Variants in HTR4 observed in about 807,000 individuals in gnomAD.
The protein encoded by HTR4 is 5-hydroxytryptamine receptor 4, also known as 5-hydroxytryptamine (serotonin) receptor 4, G protein-coupled.
Under a neutral mutation model 36.8 loss-of-function variants are expected in HTR4, and 16 were observed. The ratio of observed to expected loss-of-function variants is 0.43; its 90% CI spans 0.29 to 0.66. The LOEUF (loss-of-function observed/expected upper bound fraction) is 0.66. Ranked by LOEUF, HTR4 falls within the 30% of genes least tolerant of loss-of-function variation. The pLI is 0.13. For missense variants in HTR4, 438 were observed against 490.9 expected, an observed-to-expected ratio of 0.89 and a Z score of 1.02; for synonymous variants, 189 against 185.1, an observed-to-expected ratio of 1.02 and a Z score of -0.17.
intron 2 of HTR4, among the ~76,000 whole-genome samples, chr5:148,558,848 T>G (rs1291305332): frequency 2.0e-5 from 3 of 152,338 alleles, no homozygotes; most frequent in Admixed American, 1.3e-4. Context: ...CTTCATCCAG[T>G]GCAATTTTTG....
intron 5 of HTR4, among the ~76,000 whole-genome samples, chr5:148,451,951 T>C (rs1581325462): frequency 6.6e-6 from 1 of 152,214 alleles, no homozygotes; most frequent in East Asian, 1.9e-4. Flanking sequence ...CTGGCAGCCA[T>C]TCCTATGAAA....
chr5:148,542,801 T>C (rs967740828), intron 4 of HTR4, among the ~76,000 whole-genome samples: 1 of 152,154 alleles, frequency 6.6e-6, no homozygotes. Flanking sequence ...GACTTGGGGA[T>C]GATATACCTC....
intron 6 of HTR4, among the ~76,000 whole-genome samples, chr5:148,506,763 A>C (rs879450632): frequency 1.3e-5 from 2 of 152,262 alleles, no homozygotes; most frequent in African/African-American, 4.8e-5. Context: ...GCAAACAGGC[A>C]CATGAAAAAA....
At chr5:148,604,020 C>G (rs1330068428) in intron 2 of HTR4, among the ~76,000 whole-genome samples, 1 of 152,024 alleles carries the variant, frequency 6.6e-6, no homozygotes, top group African/African-American at 2.4e-5. Flanking sequence ...CATGTAAAAA[C>G]TCAAATTCAA....
intron 6 of HTR4, among the ~76,000 whole-genome samples, chr5:148,494,830 T>C (rs984515928): frequency 2.0e-5 from 3 of 152,254 alleles, no homozygotes; most frequent in Non-Finnish European, 2.9e-5. Flanking sequence ...ACTGAGTTTT[T>C]AGTTGTGTTT....
Position 148,509,838 on chromosome 5 carries a change from C to G in HTR4, c.694G>C (p.Ala232Pro). 1 of 1,613,970 alleles carries G rather than the reference C, an allele frequency of 6.2e-7. No individual in the cohort carries two copies. Among genetic ancestry groups the G allele is most frequent in the Admixed American group, 1.7e-5 (1 of 59,986 alleles). Residue 232 changes from alanine (A) to proline (P), a missense_variant, in exon 6 of 7, where the codon GCA (alanine) becomes CCA (proline). Transcript: ENST00000377888. ...HAHQIQMLQR[A>P]GASSESRPQS... The stretch of plus-strand genomic sequence containing the variant: ...GGCCTGCTCTCGGAGGAGGCTCCTG[C>G]CCGTTGTAACATCTGGATCTGATGG...
intron 5 of HTR4, among the ~76,000 whole-genome samples, chr5:148,517,598 G>A (rs1368388): frequency 0.49 from 73,789 of 151,026 alleles, 18,680 homozygotes; most frequent in African/African-American, 0.64. Flanking sequence ...GTCATGTTTG[G>A]CTTAGGTTTT....
intron 5 of HTR4, among the ~76,000 whole-genome samples, chr5:148,458,043 TA>T (rs938189106): frequency 2.6e-4 from 35 of 133,996 alleles, no homozygotes; most frequent in African/African-American, 8.2e-4. Flanking sequence ...TAATATATAT[TA>T]AAATATATTA....
intron 2 of HTR4, among the ~76,000 whole-genome samples, chr5:148,626,055 T>C (rs1753091707): frequency 6.6e-6 from 1 of 152,192 alleles, no homozygotes; most frequent in African/African-American, 2.4e-5. Context: ...TCTGAGTCTC[T>C]CAGTCATAGA....
At chr5:148,498,688 T>C (rs913710833) in intron 6 of HTR4, among the ~76,000 whole-genome samples, 9 of 152,222 alleles carry the variant, frequency 5.9e-5, no homozygotes, top group Middle Eastern at 3.4e-3. Context: ...AGAGAACAAA[T>C]GCCCAAGTTG....
intron 2 of HTR4, among the ~76,000 whole-genome samples, chr5:148,561,605 C>T (rs900519742): frequency 2.6e-5 from 4 of 151,668 alleles, no homozygotes; most frequent in African/African-American, 9.7e-5. Flanking sequence ...AGTCTAGCGT[C>T]TCTGGTTTGT....
chr5:148,593,762 T>C (rs1242398850), intron 2 of HTR4, among the ~76,000 whole-genome samples: 1 of 152,188 alleles, frequency 6.6e-6, no homozygotes, highest in Non-Finnish European at 1.5e-5. Context: ...AACCTTGAAT[T>C]CTAAGATGAA....
intron 2 of HTR4, among the ~76,000 whole-genome samples, chr5:148,620,824 C>CT (rs983607240): frequency 7.2e-5 from 11 of 152,162 alleles, no homozygotes; most frequent in African/African-American, 2.7e-4. Flanking sequence ...GAAGCCTTGA[C>CT]TTAGCCCTCA....
chr5:148,620,765 A>G (rs188621670), intron 2 of HTR4, among the ~76,000 whole-genome samples: 273 of 152,270 alleles, frequency 1.8e-3, no homozygotes, highest in African/African-American at 6.3e-3. Flanking sequence ...CCTGCTCTGT[A>G]AAGTCCCTTT....
intron 5 of HTR4, among the ~76,000 whole-genome samples, chr5:148,512,002 C>T (rs1391785387): frequency 1.3e-5 from 2 of 152,162 alleles, no homozygotes; most frequent in Non-Finnish European, 2.9e-5. Context: ...AATTATAGTA[C>T]ATTGACATCA....
chr5:148,562,431 C>T (rs1174895476), intron 2 of HTR4, among the ~76,000 whole-genome samples: 2 of 152,132 alleles, frequency 1.3e-5, no homozygotes, highest in East Asian at 1.9e-4. Flanking sequence ...GAAAGCAACA[C>T]CCTTCCGGTT....
At chr5:148,544,002 A>C (rs1300950369) in intron 4 of HTR4, among the ~76,000 whole-genome samples, 2 of 152,198 alleles carry the variant, frequency 1.3e-5, no homozygotes, top group Admixed American at 1.3e-4. Context: ...GTGCCATTCT[A>C]GCAACATTTT....
chr5:148,484,595 GACA>G (rs1756062262), intron 6 of HTR4, among the ~76,000 whole-genome samples: 1 of 152,124 alleles, frequency 6.6e-6, no homozygotes. Context: ...CCTGAGATAT[GACA>G]CATCTTGGCT....
chr5:148,642,418 C>A (rs1446795308), intron 1 of HTR4, among the ~76,000 whole-genome samples: 2 of 152,174 alleles, frequency 1.3e-5, no homozygotes, highest in Admixed American at 1.3e-4. Flanking sequence ...TCTAAAGTTA[C>A]AGGAAACTTG....
Sources: gnomAD v4.1 joint callset for allele counts (sites outside exome capture counted in the v4.1 genomes callset) on GRCh38, gnomAD v4.1.1 for gene constraint, MANE v1.5 for transcripts, NCBI Gene and HGNC (gene_info 2026-07-23, HGNC 2026-07-21) for gene names.